Variants in SORCS3 observed in about 807,000 individuals in gnomAD.
The protein encoded by SORCS3 is VPS10 domain-containing receptor SorCS3.
SORCS3 carries 57 observed loss-of-function variants against 146.3 expected under a neutral mutation model. The ratio of observed to expected loss-of-function variants is 0.39; its 90% CI spans 0.31 to 0.49. The LOEUF (loss-of-function observed/expected upper bound fraction) is 0.49. SORCS3 is among the 20% of genes least tolerant of loss of function. The pLI is 0.92. For missense variants in SORCS3, 1,341 were observed against 1,575.5 expected (o/e 0.85, Z 2.52); for synonymous variants, 653 against 618.5 (o/e 1.06, Z -0.83).
At chr10:105,087,600 T>C (rs1330474225) in intron 5 of SORCS3, among the ~76,000 whole-genome samples, 1 of 152,154 alleles carries the variant, frequency 6.6e-6, no homozygotes, top group African/African-American at 2.4e-5. Flanking sequence ...GTGTTTTACA[T>C]TGAAATTTTG....
chr10:105,160,021 G>A (rs2056248756), intron 11 of SORCS3, among the ~76,000 whole-genome samples: 1 of 152,160 alleles, frequency 6.6e-6, no homozygotes, highest in Non-Finnish European at 1.5e-5. Context: ...ATGAAGGCAG[G>A]CTCAGTTGCT....
At chr10:104,953,418 A>G (rs1247316715) in intron 3 of SORCS3, among the ~76,000 whole-genome samples, 1 of 152,226 alleles carries the variant, frequency 6.6e-6, no homozygotes, top group African/African-American at 2.4e-5. Context: ...AACCTCATGT[A>G]TATATTAGAA....
chr10:105,236,162 G>A (rs1458421345), intron 20 of SORCS3, among the ~76,000 whole-genome samples: 1 of 152,038 alleles, frequency 6.6e-6, no homozygotes, highest in Non-Finnish European at 1.5e-5. Context: ...AGAAGGATAG[G>A]TCATTTAATA....
chr10:104,694,219 G>A (rs764176825), intron 1 of SORCS3, among the ~76,000 whole-genome samples: 2 of 151,294 alleles, frequency 1.3e-5, no homozygotes, highest in Non-Finnish European at 2.9e-5. Context: ...TTCAGCCCAA[G>A]TTTTAAAGGT....
At chr10:104,915,697 C>G in intron 2 of SORCS3, 136 bp from the exon 3 acceptor site, 1 of 692,628 alleles carries the variant, frequency 1.4e-6, no homozygotes, top group Non-Finnish European at 2.6e-6. Context: ...ATTAATGGGG[C>G]TTTTTATCTC....
At chr10:104,716,616 G>A (rs1331778086) in intron 1 of SORCS3, among the ~76,000 whole-genome samples, 2 of 152,180 alleles carry the variant, frequency 1.3e-5, no homozygotes, top group Non-Finnish European at 2.9e-5. Flanking sequence ...GAACTTAAAA[G>A]AAATCATTAG....
At chr10:105,172,146 G>A (rs17118700) in intron 13 of SORCS3, among the ~76,000 whole-genome samples, 13,542 of 152,220 alleles carry the variant, frequency 0.089, 749 homozygotes, top group Admixed American at 0.16. Flanking sequence ...CTGCTACAGA[G>A]TTACGTATGA....
intron 1 of SORCS3, among the ~76,000 whole-genome samples, chr10:104,689,550 A>G (rs1012828057): frequency 6.6e-6 from 1 of 152,178 alleles, no homozygotes; most frequent in Admixed American, 6.5e-5. Context: ...ATGAGATCTC[A>G]GCTTAAATGT....
chr10:104,672,552 G>T (rs1343807636), intron 1 of SORCS3, among the ~76,000 whole-genome samples: 1 of 151,880 alleles, frequency 6.6e-6, no homozygotes, highest in East Asian at 1.9e-4. Flanking sequence ...TTATTGATTT[G>T]AGATCTTTCC....
intron 3 of SORCS3, among the ~76,000 whole-genome samples, chr10:104,935,188 G>A (rs2019248336): frequency 6.6e-6 from 1 of 152,164 alleles, no homozygotes; most frequent in Non-Finnish European, 1.5e-5. Flanking sequence ...GTTCAACTGA[G>A]GCTAAGAGGT....
At chr10:105,127,076 G>A (rs7083675) in intron 7 of SORCS3, among the ~76,000 whole-genome samples, 2,399 of 152,122 alleles carry the variant, frequency 0.016, 23 homozygotes, top group Non-Finnish European at 0.025. Context: ...GTGGAATGGT[G>A]GCCGGTATCC....
At chr10:105,115,595 C>A (rs2055888411) in intron 7 of SORCS3, among the ~76,000 whole-genome samples, 1 of 152,082 alleles carries the variant, frequency 6.6e-6, no homozygotes. Context: ...TGAGATGTAA[C>A]TATTCTGGGA....
chr10:104,900,666 G>A (rs866618046), intron 2 of SORCS3, among the ~76,000 whole-genome samples: 2 of 151,966 alleles, frequency 1.3e-5, no homozygotes, highest in South Asian at 2.1e-4. Flanking sequence ...CGAGGTGGGC[G>A]GATCATGAGG....
chr10:105,216,820 C>A, intron 18 of SORCS3, 116 bp from the exon 19 acceptor site: 2 of 954,286 alleles, frequency 2.1e-6, no homozygotes, highest in Non-Finnish European at 1.6e-6. Flanking sequence ...GGTGTTTCAG[C>A]CCTTTGGGAA....
At chr10:105,132,153 C>G (rs2056023916) in intron 7 of SORCS3, among the ~76,000 whole-genome samples, 1 of 152,070 alleles carries the variant, frequency 6.6e-6, no homozygotes, top group Non-Finnish European at 1.5e-5. Context: ...TGTTGTGTAT[C>G]TTTGAGTATG....
chr10:104,846,166 T>C (rs1235449815), intron 2 of SORCS3, among the ~76,000 whole-genome samples: 1 of 152,136 alleles, frequency 6.6e-6, no homozygotes, highest in Non-Finnish European at 1.5e-5. Flanking sequence ...AGCCACTGGA[T>C]AGAGTGTGAC....
At chr10:105,212,357 C>T (rs2056639100) in intron 17 of SORCS3, among the ~76,000 whole-genome samples, 1 of 152,106 alleles carries the variant, frequency 6.6e-6, no homozygotes, top group South Asian at 2.1e-4. Flanking sequence ...GATCCAACAG[C>T]ATGAAGTTAA....
At chr10:104,817,351 CCCCCTCTTCCACCCTT>C in intron 1 of SORCS3, among the ~76,000 whole-genome samples, 1 of 136,526 alleles carries the variant, frequency 7.3e-6, no homozygotes, top group Admixed American at 7.3e-5. Context: ...CTCCCTCCTC[CCCCCTCTTCCACCCTT>C]CTCCCCTTCC....
At chr10:104,771,995 T>C (rs2017254830) in intron 1 of SORCS3, among the ~76,000 whole-genome samples, 1 of 152,106 alleles carries the variant, frequency 6.6e-6, no homozygotes, top group Non-Finnish European at 1.5e-5. Context: ...ATTCTCTGAG[T>C]TAGGAATGTG....
Sources: allele counts gnomAD v4.1 joint callset (sites outside exome capture counted in the v4.1 genomes callset), GRCh38; gene constraint gnomAD v4.1.1; transcripts MANE v1.5; gene names NCBI Gene and HGNC (gene_info 2026-07-23, HGNC 2026-07-21).